Variants in GPC3 observed in about 807,000 individuals in gnomAD.
The protein encoded by GPC3 is glypican 3, also known as glypican-3.
In GPC3, 3 loss-of-function variants were observed where a neutral mutation model predicts 34.4. The ratio of observed to expected loss-of-function variants is 0.09; its 90% CI spans 0.04 to 0.23. The LOEUF (loss-of-function observed/expected upper bound fraction) is 0.23. GPC3 is among the 10% of genes least tolerant of loss of function. GPC3 has a pLI of 1.00. For synonymous variants in GPC3, 177 were observed against 174.0 expected (o/e 1.02, Z -0.13); for missense variants, 351 against 445.6 (o/e 0.79, Z 1.91).
intron 3 of GPC3, among the ~76,000 whole-genome samples, chrX:133,718,705 G>C (rs2071335849): frequency 9.0e-6 from 1 of 111,275 alleles, no homozygotes; most frequent in Admixed American, 9.6e-5. Flanking sequence ...CTGTCTACAA[G>C]AGACACACTT....
chrX:133,811,252 C>A (rs1182100370), intron 2 of GPC3, among the ~76,000 whole-genome samples: 1 of 111,415 alleles, frequency 9.0e-6, no homozygotes, highest in Non-Finnish European at 1.9e-5. Flanking sequence ...CTTAAAATTA[C>A]AGAGCTTCAT....
chrX:133,947,875 T>C (rs2076375835), intron 2 of GPC3, among the ~76,000 whole-genome samples: 1 of 112,012 alleles, frequency 8.9e-6, no homozygotes, highest in African/African-American at 3.2e-5. Flanking sequence ...TTTAATGCTA[T>C]TGTATTTAGC....
At chrX:133,761,852 T>A (rs1327485834) in intron 2 of GPC3, among the ~76,000 whole-genome samples, 1 of 111,978 alleles carries the variant, frequency 8.9e-6, no homozygotes, top group Non-Finnish European at 1.9e-5. Context: ...CATTTTTCCC[T>A]CTTCACATTT....
chrX:133,761,711 A>G (rs1423616541), intron 2 of GPC3, among the ~76,000 whole-genome samples: 1 of 111,922 alleles, frequency 8.9e-6, no homozygotes, highest in African/African-American at 3.2e-5. Flanking sequence ...TCTAACTACT[A>G]GAAAATGTAT....
chrX:133,619,084 C>T (rs2070200887), intron 6 of GPC3, among the ~76,000 whole-genome samples: 1 of 111,915 alleles, frequency 8.9e-6, no homozygotes, highest in Non-Finnish European at 1.9e-5. Flanking sequence ...TGAAAAGATG[C>T]TTAACATCAT....
At chrX:133,646,586 C>T (rs1039427689) in intron 6 of GPC3, among the ~76,000 whole-genome samples, 4 of 112,131 alleles carry the variant, frequency 3.6e-5, no homozygotes, top group African/African-American at 9.7e-5. Context: ...AATAGAAATA[C>T]GCACATGAAT....
chrX:133,963,056 G>A (rs780621229), intron 1 of GPC3, among the ~76,000 whole-genome samples: 1 of 112,155 alleles, frequency 8.9e-6, no homozygotes, highest in African/African-American at 3.2e-5. Context: ...CCGGGCATTG[G>A]GAGGACACAA....
chrX:133,629,141 A>G (rs2070339057), intron 6 of GPC3, among the ~76,000 whole-genome samples: 2 of 112,122 alleles, frequency 1.8e-5, no homozygotes, highest in Non-Finnish European at 3.8e-5. Flanking sequence ...TTGCTTGTCC[A>G]ATACATTATA....
intron 5 of GPC3, among the ~76,000 whole-genome samples, chrX:133,690,071 A>T (rs1396855184): frequency 8.9e-6 from 1 of 111,740 alleles, no homozygotes; most frequent in Non-Finnish European, 1.9e-5. Context: ...AATATACATT[A>T]TTTCTCCAGT....
intron 2 of GPC3, among the ~76,000 whole-genome samples, chrX:133,859,541 G>A (rs895659984): frequency 1.4e-4 from 16 of 111,947 alleles, no homozygotes; most frequent in African/African-American, 4.9e-4. Flanking sequence ...AGATGAAGGC[G>A]AAAGTTCCAG....
chrX:133,875,116 T>C (rs1008816230), intron 2 of GPC3, among the ~76,000 whole-genome samples: 1 of 111,715 alleles, frequency 9.0e-6, no homozygotes, highest in Non-Finnish European at 1.9e-5. Context: ...AACTAGAGAG[T>C]AGTGAGTTTG....
intron 7 of GPC3, among the ~76,000 whole-genome samples, chrX:133,580,393 C>G: frequency 8.9e-6 from 1 of 111,929 alleles, no homozygotes; most frequent in Non-Finnish European, 1.9e-5. Flanking sequence ...ATGATTTCCT[C>G]AGATACTGCC....
At chrX:133,570,567 C>T (rs1471034068) in intron 7 of GPC3, among the ~76,000 whole-genome samples, 1 of 112,521 alleles carries the variant, frequency 8.9e-6, no homozygotes, top group African/African-American at 3.2e-5. Flanking sequence ...CTGTGGACGA[C>T]TCATTCTAAG....
intron 2 of GPC3, among the ~76,000 whole-genome samples, chrX:133,895,472 G>C (rs1343705122): frequency 9.0e-6 from 1 of 111,384 alleles, no homozygotes; most frequent in South Asian, 3.8e-4. Flanking sequence ...CATAGAATGC[G>C]ATTCTGAGTA....
intron 2 of GPC3, among the ~76,000 whole-genome samples, chrX:133,837,566 G>T (rs1448628252): frequency 9.0e-6 from 1 of 111,522 alleles, no homozygotes; most frequent in Non-Finnish European, 1.9e-5. Context: ...CCTCAGGGTC[G>T]CACAACCTCC....
intron 3 of GPC3, among the ~76,000 whole-genome samples, chrX:133,727,570 G>A (rs980706493): frequency 9.1e-6 from 1 of 110,319 alleles, no homozygotes; most frequent in African/African-American, 3.3e-5. Flanking sequence ...AAAGTGATAT[G>A]TGGCAACTTT....
At chrX:133,954,090 C>T (rs948682850) in intron 1 of GPC3, among the ~76,000 whole-genome samples, 27 of 111,841 alleles carry the variant, frequency 2.4e-4, no homozygotes, top group Non-Finnish European at 1.5e-4. Context: ...CTCTATGGTT[C>T]CGTTTATACA....
In GPC3 at chrX:133,743,680, C is replaced by T. The variant is rs747670151; in HGVS notation, c.1032+9802G>A. ...GAGCAAGTATCCAGGGGCTTTTCTG[C>T]CCCCACAAGGTAGGAGGCTACTTTC... On this transcript the variant is annotated intron_variant, in intron 3 of 7. Coordinates refer to ENST00000370818, the MANE Select transcript of GPC3 (RefSeq NM_004484.4). 6.2e-5 allele frequency among the ~76,000 whole-genome samples: 7 copies of T among 112,299 alleles called. No individual in the cohort carries two copies. The South Asian group carries it at 1.8e-3, about 30-fold the overall frequency.
At chrX:133,947,888 C>T (rs2076375930) in intron 2 of GPC3, among the ~76,000 whole-genome samples, 2 of 111,586 alleles carry the variant, frequency 1.8e-5, no homozygotes, top group Non-Finnish European at 3.8e-5. Context: ...TATTTAGCCT[C>T]GGCAAATGAA....
Sources: gnomAD v4.1 joint callset for allele counts (sites outside exome capture counted in the v4.1 genomes callset) on GRCh38, gnomAD v4.1.1 for gene constraint, MANE v1.5 for transcripts, NCBI Gene and HGNC (gene_info 2026-07-23, HGNC 2026-07-21) for gene names.